The following TGS1 variants were observed in gnomAD, a reference collection of about 807,000 sequenced individuals.
TGS1 encodes trimethylguanosine synthase.
In TGS1, 69 loss-of-function variants were observed where a neutral mutation model predicts 92.2. The ratio of observed to expected loss-of-function variants is 0.75; its 90% confidence interval spans 0.62 to 0.91. TGS1 has a LOEUF of 0.91. TGS1 is among the 40% of genes least tolerant of loss of function. The pLI is 0.00. For synonymous variants in TGS1, 345 were observed against 338.1 expected (o/e 1.02, Z -0.22); for missense variants, 1,062 against 1,001.2 (o/e 1.06, Z -0.82).
chr8:55,802,524 T>C lies in TGS1; in HGVS notation c.1917T>C (p.Ala639=), dbSNP rs1812247183. The change falls in exon 9 of 13, where the codon GCT becomes GCC. Residue 639 remains alanine (A), a synonymous_variant. Transcript: ENST00000260129. ...KKVNGLPPEI[A]AVPELAKYWA... Reference sequence around the variant, plus strand: ...TGAATGGTCTGCCTCCTGAAATAGCTGCTGTTCCTGAGCTGGCAAAATACT... The same window carrying C: ...TGAATGGTCTGCCTCCTGAAATAGCCGCTGTTCCTGAGCTGGCAAAATACT... 2 of 1,614,116 alleles carry C rather than the reference T, an allele frequency of 1.2e-6. No individual in the cohort carries two copies. Among genetic ancestry groups the C allele is most frequent in the Non-Finnish European group, 1.7e-6 (2 of 1,179,974 alleles).
chr8:55,804,297 T>C (rs1354449924), intron 9 of TGS1, among the ~76,000 whole-genome samples: 2 of 152,090 alleles, frequency 1.3e-5, no homozygotes, highest in Admixed American at 1.3e-4. Context: ...AAAAATTGGC[T>C]GGGCATGGTA....
chr8:55,821,718 A>G (rs1462410686), intron 12 of TGS1, among the ~76,000 whole-genome samples: 1 of 151,792 alleles, frequency 6.6e-6, no homozygotes, highest in Non-Finnish European at 1.5e-5. Flanking sequence ...CTAAAAATAC[A>G]AAAAATTAGC....
At position 55,795,999 on chromosome 8, in the gene TGS1, C is replaced by T; in HGVS notation, c.1389C>T (p.Phe463=). 6.2e-7 allele frequency: 1 copy of T among 1,613,244 alleles called. No individual in the cohort carries two copies. The highest frequency in any genetic ancestry group is 8.5e-7 in the Non-Finnish European group (1 of 1,179,678). The part of the protein sequence containing the change: ...SGQKYGGIPN[F]SHRQVRYLEK... ...ACAGATATGGTGGAATCCCAAATTT[C>T]AGTCATCGGCAGGTCAGGTATTTAG... Residue 463 remains phenylalanine (F), a synonymous_variant, in exon 7 of 13, where the codon TTC becomes TTT. Transcript: ENST00000260129.
chr8:55,793,590 CAG>C (rs1811946987), intron 6 of TGS1, among the ~76,000 whole-genome samples: 3 of 152,000 alleles, frequency 2.0e-5, no homozygotes, highest in Non-Finnish European at 1.5e-5. Flanking sequence ...TTTTTTGAGA[CAG>C]AGTCTCACTC....
chr8:55,785,359 C>T (rs973809271), intron 2 of TGS1, among the ~76,000 whole-genome samples: 37 of 151,990 alleles, frequency 2.4e-4, no homozygotes, highest in African/African-American at 7.7e-4. Context: ...CCCAGCATAC[C>T]GTCAATTGTT....
chr8:55,773,583 G>C lies in TGS1; in HGVS notation c.-36G>C. On this transcript the variant is annotated 5_prime_UTR_variant, in exon 1 of 13. Coordinates refer to ENST00000260129, the MANE Select transcript of TGS1 (RefSeq NM_024831.8). ...GCGGAGGCCCGGCAGGCGCGACCCG[G>C]GCTGCGTACGTCAGAGCTGCCTCCG... 6.4e-7 allele frequency: 1 copy of C among 1,561,038 alleles called. No individual in the cohort carries two copies. Among genetic ancestry groups the C allele is most frequent in the South Asian group, 1.1e-5 (1 of 87,668 alleles).
Position 55,786,276 on chromosome 8 carries a change from GAAA to G in TGS1, c.382_384del (p.Lys128del). 1 of 1,514,096 alleles carries G rather than the reference GAAA, an allele frequency of 6.6e-7. No individual in the cohort carries two copies. Among genetic ancestry groups the G allele is most frequent in the Non-Finnish European group, 8.9e-7 (1 of 1,119,704 alleles). 93.8% of individuals were successfully genotyped at this position (1,514,096 alleles called of 1,614,324 possible). A position where few individuals can be genotyped will look rare whatever the true frequency, so the allele number is the denominator to read the frequency against. The stretch of plus-strand genomic sequence containing the variant: ...CTAGAAATAAAGTTAAAATAAAAAA[GAAA>G]AAACATCAAAAGAAATACTTAGATG... On this transcript the variant is annotated inframe_deletion, in exon 4 of 13. Coordinates refer to ENST00000260129, the MANE Select transcript of TGS1 (RefSeq NM_024831.8).
chr8:55,785,922 T>C (rs1436849041), intron 3 of TGS1, 31 bp downstream of exon 3: 2 of 1,538,302 alleles, frequency 1.3e-6, no homozygotes, highest in East Asian at 4.5e-5. Context: ...ATTATTTCTC[T>C]CTCTTCGTTT....
chr8:55,819,626 C>T (rs942465500), intron 12 of TGS1, among the ~76,000 whole-genome samples: 6 of 151,974 alleles, frequency 3.9e-5, no homozygotes, highest in African/African-American at 2.4e-5. Flanking sequence ...GACCTGCCAC[C>T]AGGTGCTCCT....
intron 1 of TGS1, among the ~76,000 whole-genome samples, chr8:55,781,814 T>C (rs1036355317): frequency 2.0e-5 from 3 of 152,252 alleles, no homozygotes; most frequent in Admixed American, 2.0e-4. Flanking sequence ...AGAAAAGTTA[T>C]GTTAGCTTCC....
At chr8:55,783,448 A>G (rs956360925) in intron 2 of TGS1, among the ~76,000 whole-genome samples, 3 of 152,188 alleles carry the variant, frequency 2.0e-5, no homozygotes, top group African/African-American at 7.2e-5. Context: ...TCTAATCATA[A>G]TACACTTCAT....
At chr8:55,799,277 A>G in intron 8 of TGS1, 57 bp downstream of exon 8, 14 of 1,482,512 alleles carry the variant, frequency 9.4e-6, no homozygotes, top group Non-Finnish European at 1.3e-5. Flanking sequence ...TTTTTTGTTA[A>G]TATGTTTTTT....
chr8:55,790,096 C>G, intron 4 of TGS1, 86 bp from the exon 5 acceptor site: 6 of 947,666 alleles, frequency 6.3e-6, no homozygotes, highest in Non-Finnish European at 8.4e-6. Context: ...AGAAAAGGTG[C>G]TAAAATATTT....
chr8:55,788,075 T>G (rs1811771488), intron 4 of TGS1, among the ~76,000 whole-genome samples: 1 of 152,126 alleles, frequency 6.6e-6, no homozygotes, highest in African/African-American at 2.4e-5. Flanking sequence ...GGGACAAACA[T>G]CCAAACCCTA....
chr8:55,785,880 A>G lies in TGS1; in HGVS notation c.328A>G (p.Lys110Glu). The change falls in exon 3 of 13, where the codon AAG (lysine) becomes GAG (glutamate). Residue 110 changes from lysine (K) to glutamate (E), a missense_variant. Coordinates refer to ENST00000260129, the MANE Select transcript of TGS1 (RefSeq NM_024831.8). Reference sequence around the variant, plus strand: ...TCAATTTGGTAGGATAACTGCACATAAGGATTTTGAGGTAAATATTAATTT... The same window carrying G: ...TCAATTTGGTAGGATAACTGCACATGAGGATTTTGAGGTAAATATTAATTT... ...PLQFGRITAH[K>E]DFEVSMNTRN... 6.3e-7 allele frequency: 1 copy of G among 1,597,318 alleles called. No homozygotes were observed. Among genetic ancestry groups the G allele is most frequent in the Non-Finnish European group, 8.5e-7 (1 of 1,174,704 alleles).
In TGS1 at chr8:55,813,812, C is replaced by G. The variant is rs575317827; in HGVS notation, c.2439+694C>G. Among the ~76,000 whole-genome samples the G allele has an allele frequency of 4.6e-5, 7 of 152,116 alleles. No individual in the cohort carries two copies. In the South Asian group the frequency reaches 1.4e-3, roughly 32 times the overall value. On this transcript the variant is annotated intron_variant, in intron 12 of 12. Coordinates refer to ENST00000260129, the MANE Select transcript of TGS1 (RefSeq NM_024831.8). ...AGTGTTTGTCGCTTCCTTTTTCCTTCTACATTACCTCTATCAGGTTTTCCA... is the reference window on the plus strand; with the variant it reads ...AGTGTTTGTCGCTTCCTTTTTCCTTGTACATTACCTCTATCAGGTTTTCCA...
intron 12 of TGS1, among the ~76,000 whole-genome samples, chr8:55,815,371 CT>C (rs930946278): frequency 1.3e-5 from 2 of 151,884 alleles, no homozygotes; most frequent in East Asian, 1.9e-4. Flanking sequence ...GGGAAATCAA[CT>C]TTTTTTTAAT....
At chr8:55,792,673 C>T in intron 5 of TGS1, 25 bp from the exon 6 acceptor site, 4 of 1,560,654 alleles carry the variant, frequency 2.6e-6, no homozygotes, top group Non-Finnish European at 3.5e-6. Flanking sequence ...AATGGCTTAT[C>T]ACTGTTTACC....
At position 55,785,839 on chromosome 8, in the gene TGS1, G is replaced by A. The variant is rs1191295430; in HGVS notation, c.287G>A (p.Ser96Asn). The A allele has an allele frequency of 6.2e-7, 1 of 1,613,924 alleles. No individual in the cohort carries two copies. Among genetic ancestry groups the A allele is most frequent in the Non-Finnish European group, 8.5e-7 (1 of 1,179,904 alleles). ...GATTCTGAGGCTGAACTCATGAGAA[G>A]TATGGGATTGCCACTTCAATTTGGT... is the stretch of plus-strand genomic sequence containing the variant. The part of the protein sequence containing the change: ...ELDSEAELMR[S>N]MGLPLQFGRI... Residue 96 changes from serine to asparagine, a missense_variant, in exon 3 of 13, where the codon AGT becomes AAT. Transcript: ENST00000260129.
Sources: allele counts gnomAD v4.1 joint callset (sites outside exome capture counted in the v4.1 genomes callset), GRCh38; gene constraint gnomAD v4.1.1; transcripts MANE v1.5; gene names NCBI Gene and HGNC (gene_info 2026-07-23, HGNC 2026-07-21).